The following DLGAP2 variants were observed in gnomAD, a reference collection of about 807,000 sequenced individuals.
The protein encoded by DLGAP2 is DLG associated protein 2.
In DLGAP2, 26 loss-of-function variants were observed where a neutral mutation model predicts 100.3. The observed-to-expected ratio is 0.26, with a 90% CI of 0.19 to 0.36. The LOEUF (loss-of-function observed/expected upper bound fraction) is 0.36, where lower values mean the gene tolerates loss of function less well. Ranked by LOEUF, DLGAP2 falls within the 10% of genes least tolerant of loss-of-function variation. The pLI, the probability that DLGAP2 is intolerant of heterozygous loss-of-function variation, is 1.00. For missense variants in DLGAP2, 1,858 were observed against 1,453.2 expected, an observed-to-expected ratio of 1.28 and a Z score of -4.53; for synonymous variants, 886 against 630.1, an observed-to-expected ratio of 1.41 and a Z score of -6.08.
intron 12 of DLGAP2, among the ~76,000 whole-genome samples, chr8:1,687,167 T>C (rs1439597519): frequency 1.3e-5 from 2 of 152,222 alleles, no homozygotes; most frequent in East Asian, 3.8e-4. Context: ...ACTCAAATGA[T>C]CATTTCCGAC....
chr8:1,245,440 T>C (rs1798883238), intron 2 of DLGAP2, among the ~76,000 whole-genome samples: 1 of 152,220 alleles, frequency 6.6e-6, no homozygotes, highest in Non-Finnish European at 1.5e-5. Context: ...CGATGCATGC[T>C]GTGACACAGA....
At chr8:1,472,723 C>T (rs1037223887) in intron 3 of DLGAP2, among the ~76,000 whole-genome samples, 2 of 152,066 alleles carry the variant, frequency 1.3e-5, no homozygotes, top group Admixed American at 6.6e-5. Context: ...GAAAGTTAAC[C>T]CTATCATGAC....
At chr8:1,614,283 A>T (rs1428600584) in intron 6 of DLGAP2, among the ~76,000 whole-genome samples, 1 of 152,234 alleles carries the variant, frequency 6.6e-6, no homozygotes, top group Non-Finnish European at 1.5e-5. Context: ...GTCAGGCAAG[A>T]GAACAGCCGT....
At chr8:1,614,323 A>C (rs1797079073) in intron 6 of DLGAP2, among the ~76,000 whole-genome samples, 1 of 152,212 alleles carries the variant, frequency 6.6e-6, no homozygotes, top group African/African-American at 2.4e-5. Context: ...GGTGAATCTC[A>C]CCTCAGAACT....
At position 1,678,393 on chromosome 8, in the gene DLGAP2, C is replaced by T. The variant is rs1252898362; in HGVS notation, c.2468C>T (p.Thr823Ile). Reference sequence around the variant, plus strand: ...TACAGCGCGGTGAGAACTGTACGGACCCAGGGGCTCTTCAGCTATAGAGAA... The same window carrying T: ...TACAGCGCGGTGAGAACTGTACGGATCCAGGGGCTCTTCAGCTATAGAGAA... ...TQYSAVRTVR[T>I]QGLFSYREDY... The change falls in exon 12 of 15, where the codon ACC (threonine) becomes ATC (isoleucine). Residue 823 changes from threonine to isoleucine, a missense_variant. Transcript: ENST00000637795. The T allele has an allele frequency of 1.9e-6, 3 of 1,613,938 alleles. No individual in the cohort carries two copies. Among genetic ancestry groups the T allele is most frequent in the Non-Finnish European group, 2.5e-6 (3 of 1,179,842 alleles).
intron 1 of DLGAP2, among the ~76,000 whole-genome samples, chr8:842,730 G>T (rs979291468): frequency 6.6e-6 from 1 of 151,614 alleles, no homozygotes; most frequent in African/African-American, 2.4e-5. Flanking sequence ...ATTTTTTGGG[G>T]ATTTTCTTCT....
At chr8:1,180,793 C>G (rs1161723349) in intron 2 of DLGAP2, among the ~76,000 whole-genome samples, 1 of 151,452 alleles carries the variant, frequency 6.6e-6, no homozygotes, top group Non-Finnish European at 1.5e-5. Context: ...TGTGGGTGTG[C>G]AAGGGCAGTA....
At chr8:1,557,549 G>A (rs1337165005) in intron 5 of DLGAP2, among the ~76,000 whole-genome samples, 1 of 152,120 alleles carries the variant, frequency 6.6e-6, no homozygotes, top group Middle Eastern at 3.2e-3. Flanking sequence ...GGCAAGGAGT[G>A]GCCGTCCTGC....
intron 1 of DLGAP2, among the ~76,000 whole-genome samples, chr8:870,083 C>T (rs913688856): frequency 3.3e-5 from 5 of 151,714 alleles, no homozygotes; most frequent in Non-Finnish European, 7.4e-5. Flanking sequence ...TACATTTAAC[C>T]ATTTTGTAGC....
chr8:897,074 G>A (rs1331530400), intron 1 of DLGAP2, among the ~76,000 whole-genome samples: 1 of 152,176 alleles, frequency 6.6e-6, no homozygotes, highest in Non-Finnish European at 1.5e-5. Flanking sequence ...CCTCACTGGT[G>A]TGGAATCGGA....
chr8:956,052 C>T lies in DLGAP2; in HGVS notation c.73+48086C>T, dbSNP rs562307748. 4.6e-5 allele frequency among the ~76,000 whole-genome samples: 7 copies of T among 152,156 alleles called. No individual in the cohort carries two copies. In the South Asian group the frequency reaches 6.2e-4, roughly 14 times the overall value. ...GATGGGGTGATGGTGGAGTTAAATT[C>T]CCTGGTGGGGCTGTTTTGAGGATGG... On this transcript the variant is annotated intron_variant, in intron 2 of 14. Transcript: ENST00000637795.
At chr8:1,332,218 T>A (rs7830016) in intron 3 of DLGAP2, among the ~76,000 whole-genome samples, 130,396 of 152,218 alleles carry the variant, frequency 0.86, 56,308 homozygotes, top group African/African-American at 0.96. Flanking sequence ...TTGTGATGGT[T>A]TGTGTGAGTG....
chr8:1,306,074 C>CAAAAAAAAAAAAAAA (rs61647224), intron 3 of DLGAP2, among the ~76,000 whole-genome samples: 38 of 116,418 alleles, frequency 3.3e-4, no homozygotes, highest in African/African-American at 6.5e-4. Context: ...AGAAATTAGG[C>CAAAAAAAAAAAAAAA]AAAAAAAAAA....
At chr8:1,687,721 T>A (rs762200789) in intron 12 of DLGAP2, among the ~76,000 whole-genome samples, 13 of 152,234 alleles carry the variant, frequency 8.5e-5, no homozygotes, top group Non-Finnish European at 1.8e-4. Context: ...TATTAACAGT[T>A]CAGTTGAATT....
chr8:971,627 A>C (rs1427489749), intron 2 of DLGAP2, among the ~76,000 whole-genome samples: 1 of 152,228 alleles, frequency 6.6e-6, no homozygotes, highest in Non-Finnish European at 1.5e-5. Flanking sequence ...TCTAGGAGCC[A>C]CACCAGGTTG....
chr8:1,552,040 T>G (rs983451697), intron 5 of DLGAP2, among the ~76,000 whole-genome samples: 16 of 152,160 alleles, frequency 1.1e-4, no homozygotes, highest in Non-Finnish European at 4.4e-5. Flanking sequence ...TCTGATTGTG[T>G]CTGTCAGTCT....
intron 2 of DLGAP2, among the ~76,000 whole-genome samples, chr8:1,000,289 G>C (rs577353193): frequency 1.3e-4 from 19 of 151,426 alleles, no homozygotes; most frequent in African/African-American, 4.6e-4. Context: ...TCCGGGTGGG[G>C]GTGGTTTTCT....
chr8:1,214,056 C>A (rs1429549191), intron 2 of DLGAP2, among the ~76,000 whole-genome samples: 1 of 149,040 alleles, frequency 6.7e-6, no homozygotes, highest in South Asian at 2.1e-4. Context: ...CCTGTCCTCA[C>A]CTCCATGTGG....
intron 3 of DLGAP2, among the ~76,000 whole-genome samples, chr8:1,484,615 A>T (rs1217043732): frequency 2.6e-5 from 4 of 152,260 alleles, no homozygotes; most frequent in African/African-American, 9.6e-5. Context: ...GGTAAAACCA[A>T]TTCAGACCCA....
Sources: allele counts gnomAD v4.1 joint callset (sites outside exome capture counted in the v4.1 genomes callset), GRCh38; gene constraint gnomAD v4.1.1; transcripts MANE v1.5; gene names NCBI Gene and HGNC (gene_info 2026-07-23, HGNC 2026-07-21).